Variants in PACS2 observed in about 807,000 individuals in gnomAD.
PACS2 encodes phosphofurin acidic cluster sorting protein 2, also known as PACS1-like protein.
PACS2 carries 36 observed loss-of-function variants against 113.0 expected under a neutral mutation model. The observed-to-expected ratio is 0.32, with a 90% confidence interval of 0.24 to 0.42. The LOEUF is 0.42. Ranked by LOEUF, PACS2 falls within the 10% of genes least tolerant of loss-of-function variation. The pLI is 1.00. For missense variants in PACS2, 1,015 were observed against 1,239.5 expected (o/e 0.82, Z 2.72); for synonymous variants, 589 against 536.1 (o/e 1.10, Z -1.36).
At chr14:105,389,701 G>A in intron 19 of PACS2, 1 of 546,318 alleles carries the variant, frequency 1.8e-6, no homozygotes, top group Non-Finnish European at 3.3e-6. Context: ...CTGACCATGG[G>A]TGCACAGAGA....
At chr14:105,308,662 T>C (rs1257318609) in intron 1 of PACS2, among the ~76,000 whole-genome samples, 1 of 151,494 alleles carries the variant, frequency 6.6e-6, no homozygotes, top group African/African-American at 2.4e-5. Context: ...TTTGCAGTTT[T>C]AGTAGAGACA....
chr14:105,342,470 T>C (rs935139233), intron 1 of PACS2, among the ~76,000 whole-genome samples: 1 of 151,838 alleles, frequency 6.6e-6, no homozygotes, highest in Admixed American at 6.6e-5. Context: ...GGTTTCGCCA[T>C]GTTGGCCAGG....
chr14:105,370,021 C>A, intron 8 of PACS2, 121 bp downstream of exon 8: 1 of 873,576 alleles, frequency 1.1e-6, no homozygotes, highest in East Asian at 2.7e-5. Flanking sequence ...TCTGCACGGC[C>A]CCGCCAGCAT....
At chr14:105,359,979 G>A (rs2060616335) in intron 4 of PACS2, among the ~76,000 whole-genome samples, 1 of 152,172 alleles carries the variant, frequency 6.6e-6, no homozygotes, top group Non-Finnish European at 1.5e-5. Flanking sequence ...CTTACCATCT[G>A]TAACAATTGC....
rs1555403183 is a variant in PACS2, at chr14:105,348,632, T to C, written c.207+52T>C. 7.5e-7 allele frequency: 1 copy of C among 1,325,636 alleles called. No individual in the cohort carries two copies. Among genetic ancestry groups the C allele is most frequent in the South Asian group, 1.2e-5 (1 of 85,486 alleles). 82.1% of individuals were successfully genotyped at this position (1,325,636 alleles called of 1,614,324 possible). A position where few individuals can be genotyped will look rare whatever the true frequency, so the allele number is the denominator to read the frequency against. ...GGCTGGGTGCTGTGTAGGCTTTCCA[T>C]GTGCCTGGGAGACGAGTCAGGCGGT... On this transcript the variant is annotated intron_variant, in intron 2 of 24. Transcript: ENST00000447393. The surrounding 1 kb of genome is among the most constrained non-coding windows in gnomAD (Gnocchi z 6.4).
chr14:105,359,594 T>TC (rs1283213266), intron 4 of PACS2, among the ~76,000 whole-genome samples: 8 of 145,184 alleles, frequency 5.5e-5, no homozygotes, highest in African/African-American at 2.1e-4. Context: ...TTTCTTTTTT[T>TC]TTTTTTTTTT....
chr14:105,325,978 C>T (rs587595096), intron 1 of PACS2, among the ~76,000 whole-genome samples: 1 of 152,364 alleles, frequency 6.6e-6, no homozygotes, highest in African/African-American at 2.4e-5. Flanking sequence ...GCTAGGATGC[C>T]ACCAGCATCT....
At position 105,358,530 on chromosome 14, in the gene PACS2, G is replaced by C. The variant is rs1019105395; in HGVS notation, c.423+3353G>C. Among the ~76,000 whole-genome samples, 2 of 152,144 alleles carry C rather than the reference G, an allele frequency of 1.3e-5. No homozygotes were observed. Among genetic ancestry groups the C allele is most frequent in the Admixed American group, 1.3e-4 (2 of 15,282 alleles). The stretch of plus-strand genomic sequence containing the variant: ...GCGTTCGTGTGGCCAGACCACCCTG[G>C]GGCTGCAGCCTGGGAGACGCAGGCA... On this transcript the variant is annotated intron_variant, in intron 4 of 24. Transcript: ENST00000447393. This position sits in a 1 kb window ranked among gnomAD's most constrained non-coding sequence, Gnocchi z 4.9.
chr14:105,349,582 A>G (rs1330016886), intron 2 of PACS2, among the ~76,000 whole-genome samples: 2 of 152,282 alleles, frequency 1.3e-5, no homozygotes, highest in African/African-American at 4.8e-5. Context: ...TGAGGTCACC[A>G]GCCAAGCACT....
chr14:105,372,171 G>A (rs1555409531), intron 8 of PACS2: 1 of 152,326 alleles, frequency 6.6e-6, no homozygotes, highest in African/African-American at 2.4e-5. Context: ...AGGAGAGCAG[G>A]GCTCTGCTTG....
At chr14:105,314,507 TGC>T (rs2058466532), upstream of PACS2, 1 of 144,686 alleles carries the variant, frequency 6.9e-6, no homozygotes, top group Admixed American at 6.8e-5. Context: ...GGCGCGTGAG[TGC>T]GCGCTCTCGC....
chr14:105,337,479 T>C (rs2059572063), intron 1 of PACS2, among the ~76,000 whole-genome samples: 1 of 152,186 alleles, frequency 6.6e-6, no homozygotes, highest in Non-Finnish European at 1.5e-5. Context: ...ATAGACATCG[T>C]CAAGCTGTTC....
chr14:105,321,110 G>A (rs1481627533), intron 1 of PACS2, among the ~76,000 whole-genome samples: 4 of 152,056 alleles, frequency 2.6e-5, no homozygotes, highest in Admixed American at 6.6e-5. Flanking sequence ...CCCAGATGGC[G>A]CCACTGCAAA....
intron 16 of PACS2, chr14:105,384,126 CT>C: frequency 1.9e-6 from 1 of 537,210 alleles, no homozygotes; most frequent in Non-Finnish European, 3.4e-6. Flanking sequence ...CTCAGTGGCA[CT>C]CAGGGCTCTG....
chr14:105,341,648 C>T (rs1225628328), intron 1 of PACS2, among the ~76,000 whole-genome samples: 1 of 152,324 alleles, frequency 6.6e-6, no homozygotes, highest in East Asian at 1.9e-4. Context: ...AAGCAAATAA[C>T]ATGTTTTGTT....
intron 17 of PACS2, among the ~76,000 whole-genome samples, 159 bp downstream of exon 17, chr14:105,384,622 A>G (rs2081110452): frequency 6.6e-6 from 1 of 152,170 alleles, no homozygotes; most frequent in Non-Finnish European, 1.5e-5. Context: ...GATGCCTCCT[A>G]TTCCCCTGAG....
intron 4 of PACS2, among the ~76,000 whole-genome samples, chr14:105,364,375 T>G (rs1259129617): frequency 0.069 from 5,012 of 73,104 alleles, 648 homozygotes; most frequent in African/African-American, 0.24. Flanking sequence ...ACGGTGGGCG[T>G]CCCGGGTGCG....
In PACS2 at chr14:105,330,631, C is replaced by T. The variant is rs587727040; in HGVS notation, c.119+15594C>T. Among the ~76,000 whole-genome samples, 3 of 152,348 alleles carry T rather than the reference C, an allele frequency of 2.0e-5. No homozygotes were observed. The South Asian group carries it at 6.2e-4, about 32-fold the overall frequency. On this transcript the variant is annotated intron_variant, in intron 1 of 24. Transcript: ENST00000447393. This position sits in a 1 kb window ranked among gnomAD's most constrained non-coding sequence, Gnocchi z 6.9. ...GGCCACACCAGCATGACCCCTCGCC[C>T]CTGTCTCCACGGAGCACCGTGGGAC...
chr14:105,382,031 C>T lies in PACS2; in HGVS notation c.1386C>T (p.Ala462=), dbSNP rs1555412192. ...NSLDNERCPD[A]RSQLQVQLQI... ...TGGACAACGAGCGCTGCCCGGACGC[C>T]CGGAGCCAGCTACAGGTGCAGCTGC... Residue 462 remains alanine, a synonymous_variant, in exon 13 of 25, where the codon GCC becomes GCT. Coordinates refer to ENST00000447393, the MANE Select transcript of PACS2 (RefSeq NM_001100913.3). 1 of 1,549,220 alleles carries T rather than the reference C, an allele frequency of 6.5e-7. No individual in the cohort carries two copies. The highest frequency in any genetic ancestry group is 2.0e-5 in the Admixed American group (1 of 50,984).
Sources: gnomAD v4.1 joint callset for allele counts (sites outside exome capture counted in the v4.1 genomes callset) on GRCh38, gnomAD v4.1.1 for gene constraint, Gnocchi (gnomAD v3.1) non-coding constraint, MANE v1.5 for transcripts, NCBI Gene and HGNC (gene_info 2026-07-23, HGNC 2026-07-21) for gene names.